CD38: variants seen among roughly 807,000 people sequenced by gnomAD.
CD38 encodes CD38 molecule, also known as ADP-ribosyl cyclase/cyclic ADP-ribose hydrolase 1.
In CD38, 31 loss-of-function variants were observed where a neutral mutation model predicts 36.3. That is an observed-to-expected ratio of 0.85 (90% CI 0.64 to 1.15). CD38 has a LOEUF of 1.15. CD38 is among the 50% of genes most tolerant of loss of function. CD38 has a pLI of 0.00. For missense variants in CD38, 380 were observed against 371.9 expected, an observed-to-expected ratio of 1.02 and a Z score of -0.18; for synonymous variants, 131 against 135.2, an observed-to-expected ratio of 0.97 and a Z score of 0.22.
chr4:15,807,433 G>A (rs1043765360), intron 1 of CD38, among the ~76,000 whole-genome samples: 3 of 152,190 alleles, frequency 2.0e-5, no homozygotes, highest in African/African-American at 7.2e-5. Context: ...GTCTATCATG[G>A]TGATAGGCCA....
chr4:15,840,508 A>C lies in CD38; in HGVS notation c.809A>C (p.Asn270Thr). Residue 270 changes from asparagine (N) to threonine (T), a missense_variant, in exon 7 of 8, where the codon AAT becomes ACT. By Grantham distance (65) the Asn-to-Thr change is moderately conservative. Coordinates refer to ENST00000226279, the MANE Select transcript of CD38 (RefSeq NM_001775.4). ...CTGGAATCGATTATAAGCAAAAGGAATATTCAATTTTCCTGCAAGAATATC... is the reference window on the plus strand; with the variant it reads ...CTGGAATCGATTATAAGCAAAAGGACTATTCAATTTTCCTGCAAGAATATC... ...KELESIISKRNIQFSCKNIYR... is the reference protein window; with the variant it reads ...KELESIISKRTIQFSCKNIYR... 1 of 1,603,344 alleles carries C rather than the reference A, an allele frequency of 6.2e-7. No homozygotes were observed. Among genetic ancestry groups the C allele is most frequent in the South Asian group, 1.1e-5 (1 of 90,598 alleles).
Position 15,848,277 on chromosome 4 carries a change from A to G in CD38, c.840-262A>G, listed in dbSNP as rs115812267. 2.2e-3 allele frequency among the ~76,000 whole-genome samples: 340 copies of G among 152,288 alleles called. 3 individuals are homozygous for G. Among genetic ancestry groups the G allele is most frequent in the African/African-American group, 7.8e-3 (323 of 41,554 alleles). On this transcript the variant is annotated intron_variant, in intron 7 of 7. Coordinates refer to ENST00000226279, the MANE Select transcript of CD38 (RefSeq NM_001775.4). The stretch of plus-strand genomic sequence containing the variant: ...CCCTGGATTCAACATTCCCTCAGGA[A>G]GCTTCGGAAGAGAGGAAAGCAAATT...
intron 2 of CD38, among the ~76,000 whole-genome samples, chr4:15,822,640 C>T (rs1334212695): frequency 6.6e-6 from 1 of 152,094 alleles, no homozygotes; most frequent in Non-Finnish European, 1.5e-5. Context: ...AGTGAAGGAC[C>T]TCTTCATGGA....
rs959330665 is a variant in CD38, at chr4:15,820,196, A to G, written c.363+3556A>G. Among the ~76,000 whole-genome samples, 10 of 152,342 alleles carry G rather than the reference A, an allele frequency of 6.6e-5. 1 individual carries two copies. The highest frequency in any genetic ancestry group is 6.5e-4 in the Admixed American group (10 of 15,304). ...CCTTGCAAGAGCTCCTGAAGGAAGC[A>G]CTAAATATGGAAAGGAAAAACCATT... On this transcript the variant is annotated intron_variant, in intron 2 of 7. Coordinates refer to ENST00000226279, the MANE Select transcript of CD38 (RefSeq NM_001775.4).
chr4:15,795,442 GA>G (rs1723086233), intron 1 of CD38, among the ~76,000 whole-genome samples: 1 of 152,082 alleles, frequency 6.6e-6, no homozygotes, highest in Admixed American at 6.5e-5. Context: ...AATGTAGCAA[GA>G]TGCTAACATT....
rs564053499 is a variant in CD38, at chr4:15,848,860, TTTAA to T, written c.*261_*264del. 1.8e-3 allele frequency: 570 copies of T among 323,898 alleles called. 3 individuals are homozygous for T. The highest frequency in any genetic ancestry group is 2.6e-3 in the Non-Finnish European group (452 of 177,074). The allele number at this position is 323,898 out of a possible 1,614,324, so 20.1% of individuals were successfully genotyped here. A position where few individuals can be genotyped will look rare whatever the true frequency, so the allele number is the denominator to read the frequency against. On this transcript the variant is annotated 3_prime_UTR_variant, in exon 8 of 8. Transcript: ENST00000226279. The stretch of plus-strand genomic sequence containing the variant: ...AAAATTGTATGTTAAGTTACTTCAC[TTTAA>T]TTCTCATGTGATCCTTTTATGTTAT...
In CD38 at chr4:15,851,782, G is replaced by A. The variant is rs1724391891; in HGVS notation, c.*3180G>A. On this transcript the variant is annotated 3_prime_UTR_variant, in exon 8 of 8. Transcript: ENST00000226279. ...GAGAAATGCATCATTAGATGATTTT[G>A]TCATTGTGTGAACATCATAGAGTGT... 1 of 152,152 alleles carries A rather than the reference G, an allele frequency of 6.6e-6. No homozygotes were observed. The highest frequency in any genetic ancestry group is 1.5e-5 in the Non-Finnish European group (1 of 68,024). 9.4% of individuals were successfully genotyped at this position (152,152 alleles called of 1,614,324 possible).
At chr4:15,829,884 C>A (rs1723925067) in intron 3 of CD38, among the ~76,000 whole-genome samples, 1 of 152,132 alleles carries the variant, frequency 6.6e-6, no homozygotes, top group Non-Finnish European at 1.5e-5. Flanking sequence ...AACATAATGA[C>A]CTCCAGTTCT....
chr4:15,818,572 C>G (rs1358144003), intron 2 of CD38, among the ~76,000 whole-genome samples: 1 of 152,208 alleles, frequency 6.6e-6, no homozygotes, highest in South Asian at 2.1e-4. Context: ...GACCACCCAA[C>G]AGGGGTCGAT....
In CD38 at chr4:15,838,087, T is replaced by C; in HGVS notation, c.586-5T>C. ...TGATGAATGGTGGGCATTTTTTTTT[T>C]TAAGTTTGCAGAAGCTGCCTGTGAT... On this transcript the variant is annotated splice_region_variant and splice_polypyrimidine_tract_variant and intron_variant, in intron 4 of 7. Transcript: ENST00000226279. 1 of 1,611,970 alleles carries C rather than the reference T, an allele frequency of 6.2e-7. No individual in the cohort carries two copies. The highest frequency in any genetic ancestry group is 8.5e-7 in the Non-Finnish European group (1 of 1,179,072).
At chr4:15,798,188 G>T (rs1466919385) in intron 1 of CD38, among the ~76,000 whole-genome samples, 2 of 152,164 alleles carry the variant, frequency 1.3e-5, no homozygotes, top group African/African-American at 4.8e-5. Flanking sequence ...GAGCCACAGA[G>T]CCTGGCCACT....
chr4:15,800,383 G>A (rs1723193967), intron 1 of CD38, among the ~76,000 whole-genome samples: 1 of 152,104 alleles, frequency 6.6e-6, no homozygotes, highest in South Asian at 2.1e-4. Context: ...CCACCAAACT[G>A]TTTTATAAGG....
At chr4:15,811,875 A>C (rs1723481774) in intron 1 of CD38, among the ~76,000 whole-genome samples, 1 of 152,206 alleles carries the variant, frequency 6.6e-6, no homozygotes, top group African/African-American at 2.4e-5. Context: ...AAACAAGACC[A>C]TTTATGGTAA....
At chr4:15,799,364 CTGTT>C (rs1437566931) in intron 1 of CD38, among the ~76,000 whole-genome samples, 6 of 152,142 alleles carry the variant, frequency 3.9e-5, no homozygotes, top group Admixed American at 3.9e-4. Context: ...GTTTTATGGT[CTGTT>C]TGTCGCTATA....
rs748494330 is a variant in CD38, at chr4:15,778,620, A to G, written c.206A>G (p.Lys69Arg). ...GAGACCGTCCTGGCGCGATGCGTCA[A>G]GTACACTGAAATTCATCCTGAGATG... ...FPETVLARCV[K>R]YTEIHPEMRH... The change falls in exon 1 of 8, where the codon AAG becomes AGG. Residue 69 changes from lysine to arginine, a missense_variant. Transcript: ENST00000226279. The surrounding 1 kb of genome is among the most constrained non-coding windows in gnomAD (Gnocchi z 4.9). 1.2e-6 allele frequency: 2 copies of G among 1,613,366 alleles called. No homozygotes were observed.
chr4:15,778,769 C>A lies in CD38; in HGVS notation c.233+122C>A, dbSNP rs1577627088. Reference sequence around the variant, plus strand: ...CCGTGGCGGGTCAGCCGAGAGCCCGCCGGGTGGTGCTGAGTAGGGAGTCCC... The same window carrying A: ...CCGTGGCGGGTCAGCCGAGAGCCCGACGGGTGGTGCTGAGTAGGGAGTCCC... On this transcript the variant is annotated intron_variant, in intron 1 of 7. Coordinates refer to ENST00000226279, the MANE Select transcript of CD38 (RefSeq NM_001775.4). This position sits in a 1 kb window ranked among gnomAD's most constrained non-coding sequence, Gnocchi z 4.9. 4 of 696,264 alleles carry A rather than the reference C, an allele frequency of 5.7e-6. No individual in the cohort carries two copies. The highest frequency in any genetic ancestry group is 1.8e-5 in the South Asian group (1 of 56,034). The allele number at this position is 696,264 out of a possible 1,614,324, so 43.1% of individuals were successfully genotyped here.
At chr4:15,790,640 G>A (rs538252781) in intron 1 of CD38, among the ~76,000 whole-genome samples, 33 of 150,416 alleles carry the variant, frequency 2.2e-4, no homozygotes, top group Admixed American at 1.4e-3. Flanking sequence ...GCCCCCCATC[G>A]TCTGGGATAT....
At chr4:15,793,574 T>G (rs1723049899) in intron 1 of CD38, among the ~76,000 whole-genome samples, 1 of 152,230 alleles carries the variant, frequency 6.6e-6, no homozygotes, top group South Asian at 2.1e-4. Flanking sequence ...GACACAGGAC[T>G]TATCCCACTA....
chr4:15,785,542 T>TC (rs56408387), intron 1 of CD38, among the ~76,000 whole-genome samples: 14 of 150,642 alleles, frequency 9.3e-5, no homozygotes, highest in African/African-American at 2.7e-4. Context: ...TCCTTTTCTT[T>TC]TTTTTTTTAT....
Sources: allele counts gnomAD v4.1 joint callset (sites outside exome capture counted in the v4.1 genomes callset), GRCh38; gene constraint gnomAD v4.1.1; non-coding constraint Gnocchi (gnomAD v3.1); transcripts MANE v1.5; gene names NCBI Gene and HGNC (gene_info 2026-07-23, HGNC 2026-07-21).